The following GABRB3 variants were observed in gnomAD, a reference collection of about 807,000 sequenced individuals.
GABRB3 encodes gamma-aminobutyric acid type A receptor subunit beta3, also known as gamma-aminobutyric acid receptor subunit beta-3.
A neutral mutation model predicts 52.1 loss-of-function variants in GABRB3; 14 were observed. That is an observed-to-expected ratio of 0.27 (90% CI 0.18 to 0.42). The LOEUF (loss-of-function observed/expected upper bound fraction) is 0.42, where lower values mean the gene tolerates loss of function less well. Among genes scored for constraint, GABRB3 ranks in the 10% least tolerant of loss-of-function variants. The pLI, the probability that GABRB3 is intolerant of heterozygous loss-of-function variation, is 1.00. For synonymous variants in GABRB3, 260 were observed against 232.3 expected (o/e 1.12, Z -1.08); for missense variants, 307 against 609.1 (o/e 0.50, Z 5.22).
At chr15:26,550,499 G>A (rs2140651222) in intron 8 of GABRB3, among the ~76,000 whole-genome samples, 1 of 152,312 alleles carries the variant, frequency 6.6e-6, no homozygotes, top group African/African-American at 2.4e-5. Context: ...AACAGGTGCT[G>A]GCAAGACAGC....
intron 3 of GABRB3, among the ~76,000 whole-genome samples, chr15:26,671,632 A>C (rs927559592): frequency 6.6e-6 from 1 of 152,298 alleles, no homozygotes; most frequent in East Asian, 1.9e-4. Flanking sequence ...AAGAATTATA[A>C]ATTTCTTATT....
intron 3 of GABRB3, among the ~76,000 whole-genome samples, chr15:26,755,309 C>G (rs968717562): frequency 2.0e-5 from 3 of 152,112 alleles, no homozygotes; most frequent in African/African-American, 7.2e-5. Context: ...CCGGCCACCC[C>G]TAACAATTTT....
intron 3 of GABRB3, among the ~76,000 whole-genome samples, chr15:26,669,295 T>G (rs1887813774): frequency 6.6e-6 from 1 of 152,186 alleles, no homozygotes; most frequent in Non-Finnish European, 1.5e-5. Flanking sequence ...TTAGACAGCT[T>G]GGATTAAGTC....
chr15:26,572,039 C>T (rs1260597938), intron 6 of GABRB3, among the ~76,000 whole-genome samples: 8 of 142,868 alleles, frequency 5.6e-5, no homozygotes, highest in African/African-American at 1.0e-4. Context: ...AGCGAGACTC[C>T]GTCTCAAGAA....
intron 8 of GABRB3, among the ~76,000 whole-genome samples, chr15:26,552,453 G>A (rs1889510907): frequency 6.6e-6 from 1 of 152,210 alleles, no homozygotes; most frequent in Non-Finnish European, 1.5e-5. Context: ...GTACCAAGAG[G>A]ATATGGCAGG....
intron 7 of GABRB3, among the ~76,000 whole-genome samples, chr15:26,566,904 C>A (rs766587135): frequency 2.6e-5 from 4 of 152,164 alleles, no homozygotes; most frequent in Non-Finnish European, 5.9e-5. Flanking sequence ...GGATGGATTG[C>A]AGATTGCATC....
chr15:26,662,074 C>T (rs1887569193), intron 3 of GABRB3, among the ~76,000 whole-genome samples: 1 of 152,172 alleles, frequency 6.6e-6, no homozygotes, highest in Admixed American at 6.5e-5. Context: ...TCTTTAATAA[C>T]CATCAAAACA....
intron 5 of GABRB3, among the ~76,000 whole-genome samples, chr15:26,582,636 C>T (rs966646458): frequency 5.3e-5 from 8 of 152,184 alleles, no homozygotes; most frequent in Non-Finnish European, 1.0e-4. Context: ...CAAAGACATT[C>T]GCTTCTTACC....
chr15:26,747,486 G>A (rs1307970310), intron 3 of GABRB3, among the ~76,000 whole-genome samples: 2 of 152,118 alleles, frequency 1.3e-5, no homozygotes, highest in Admixed American at 1.3e-4. Flanking sequence ...GAGTGATTCT[G>A]AATGTTATGT....
At chr15:26,740,678 A>G (rs759138722) in intron 3 of GABRB3, among the ~76,000 whole-genome samples, 53 of 152,158 alleles carry the variant, frequency 3.5e-4, no homozygotes, top group Admixed American at 2.6e-4. Flanking sequence ...GAATCCTCAC[A>G]GGACTTTTCC....
At chr15:26,704,957 T>C (rs1889051504) in intron 3 of GABRB3, among the ~76,000 whole-genome samples, 1 of 152,180 alleles carries the variant, frequency 6.6e-6, no homozygotes, top group African/African-American at 2.4e-5. Context: ...TTTTCCAGCG[T>C]TCACTTCAGA....
At chr15:26,772,303 C>G in intron 3 of GABRB3, 99 bp downstream of exon 3, 1 of 1,081,096 alleles carries the variant, frequency 9.2e-7, no homozygotes, top group Non-Finnish European at 1.3e-6. Flanking sequence ...GGAAACTCGG[C>G]CCCGGCCGAA....
At chr15:26,705,551 G>A (rs1426196401) in intron 3 of GABRB3, among the ~76,000 whole-genome samples, 1 of 152,114 alleles carries the variant, frequency 6.6e-6, no homozygotes, top group East Asian at 1.9e-4. Context: ...ATGAAGTGTT[G>A]ATACAACTCA....
chr15:26,587,452 C>A (rs1225999365), intron 4 of GABRB3, among the ~76,000 whole-genome samples: 2 of 152,130 alleles, frequency 1.3e-5, no homozygotes, highest in Admixed American at 6.6e-5. Context: ...GGGTGGGGAG[C>A]AGAGCGAATA....
intron 3 of GABRB3, among the ~76,000 whole-genome samples, chr15:26,643,197 G>A (rs1426206): frequency 0.67 from 101,860 of 152,058 alleles, 34,971 homozygotes; most frequent in East Asian, 0.85. Context: ...GGCCCTATAT[G>A]ACAGTTCACC....
At chr15:26,679,474 T>C (rs1888172215) in intron 3 of GABRB3, among the ~76,000 whole-genome samples, 1 of 152,146 alleles carries the variant, frequency 6.6e-6, no homozygotes, top group South Asian at 2.1e-4. Context: ...CTATTATACA[T>C]TCACATCACA....
intron 3 of GABRB3, among the ~76,000 whole-genome samples, chr15:26,766,713 CT>C (rs1242004358): frequency 1.3e-5 from 2 of 151,698 alleles, no homozygotes; most frequent in East Asian, 3.9e-4. Flanking sequence ...GCAACTCCAA[CT>C]GCAACCTACC....
At chr15:26,659,875 G>A (rs1887486027) in intron 3 of GABRB3, among the ~76,000 whole-genome samples, 1 of 152,078 alleles carries the variant, frequency 6.6e-6, no homozygotes, top group African/African-American at 2.4e-5. Context: ...CAGGAATCAT[G>A]GAGGAATCCC....
At chr15:26,761,266 G>A (rs550478707) in intron 3 of GABRB3, among the ~76,000 whole-genome samples, 2 of 152,120 alleles carry the variant, frequency 1.3e-5, no homozygotes, top group South Asian at 4.2e-4. Flanking sequence ...GTGGTGACAT[G>A]CGCCTGTAGA....
Sources: gnomAD v4.1 joint callset for allele counts (sites outside exome capture counted in the v4.1 genomes callset) on GRCh38, gnomAD v4.1.1 for gene constraint, MANE v1.5 for transcripts, NCBI Gene and HGNC (gene_info 2026-07-23, HGNC 2026-07-21) for gene names.